The following TENM3 variants were observed in gnomAD, a reference collection of about 807,000 sequenced individuals.
TENM3 encodes the protein teneurin-3.
A neutral mutation model predicts 255.1 loss-of-function variants in TENM3; 63 were observed. The observed-to-expected ratio is 0.25, with a 90% CI of 0.20 to 0.30. TENM3 has a LOEUF of 0.30. TENM3 is among the 10% of genes least tolerant of loss of function. The pLI, the probability that TENM3 is intolerant of heterozygous loss-of-function variation, is 1.00. For synonymous variants in TENM3, 1,306 were observed against 1,322.3 expected, an observed-to-expected ratio of 0.99 and a Z score of 0.27; for missense variants, 2,929 against 3,461.1, an observed-to-expected ratio of 0.85 and a Z score of 3.86.
At chr4:182,182,979 T>A (rs1287610225) in intron 1 of TENM3, among the ~76,000 whole-genome samples, 5 of 152,196 alleles carry the variant, frequency 3.3e-5, no homozygotes, top group Non-Finnish European at 7.3e-5. Flanking sequence ...AATACTTGGT[T>A]AACTTTTATG....
the TENM3 span, among the ~76,000 whole-genome samples, chr4:181,462,341 C>T: frequency 6.6e-6 from 1 of 152,130 alleles, no homozygotes; most frequent in Non-Finnish European, 1.5e-5. Flanking sequence ...CCCTGCCCTG[C>T]ATGTCAGGCT....
intron 5 of TENM3, among the ~76,000 whole-genome samples, chr4:182,638,046 T>TC (rs1362426091): frequency 6.6e-6 from 1 of 151,848 alleles, no homozygotes; most frequent in Non-Finnish European, 1.5e-5. Flanking sequence ...TTTTTTTTTT[T>TC]TTAGTTTTCA....
chr4:182,589,446 A>ATTTTTT (rs367629189), intron 3 of TENM3, among the ~76,000 whole-genome samples: 2 of 129,412 alleles, frequency 1.5e-5, no homozygotes, highest in African/African-American at 2.9e-5. Context: ...TAGGTTTTTA[A>ATTTTTT]TTTTTTTTTT....
At chr4:182,249,702 A>C (rs1757871761) in intron 1 of TENM3, among the ~76,000 whole-genome samples, 1 of 152,196 alleles carries the variant, frequency 6.6e-6, no homozygotes, top group African/African-American at 2.4e-5. Flanking sequence ...GAGGGGTTGC[A>C]AATATTTTGA....
chr4:181,852,911 C>T, the TENM3 span, among the ~76,000 whole-genome samples: 1 of 152,140 alleles, frequency 6.6e-6, no homozygotes, highest in Admixed American at 6.5e-5. Context: ...GAATCTTACA[C>T]TTACAAATGG....
chr4:182,127,746 C>T, the TENM3 span, among the ~76,000 whole-genome samples: 1 of 152,120 alleles, frequency 6.6e-6, no homozygotes. Flanking sequence ...ATGGAGTTAT[C>T]AAGCAAGCAA....
intron 9 of TENM3, 33 bp downstream of exon 9, chr4:182,680,382 A>G: frequency 6.4e-7 from 1 of 1,558,574 alleles, no homozygotes; most frequent in East Asian, 2.3e-5. Context: ...TTAAGCCGAT[A>G]TAAATAAGCT....
the TENM3 span, among the ~76,000 whole-genome samples, chr4:181,505,190 C>T: frequency 6.6e-6 from 1 of 152,202 alleles, no homozygotes; most frequent in Admixed American, 6.5e-5. Flanking sequence ...CAGCACTTCT[C>T]ATCTGTGGGC....
the TENM3 span, among the ~76,000 whole-genome samples, chr4:181,593,752 G>A: frequency 6.6e-6 from 1 of 152,196 alleles, no homozygotes; most frequent in Non-Finnish European, 1.5e-5. Context: ...CTTGCCAGCA[G>A]GCCATCAGAT....
intron 7 of TENM3, among the ~76,000 whole-genome samples, chr4:182,676,335 T>C (rs2309761): frequency 1 from 151,599 of 152,320 alleles, 75,444 homozygotes; most frequent in Middle Eastern, 1. Flanking sequence ...TTTTAGTGCA[T>C]TCACATGAAG....
At chr4:181,779,550 G>T in the TENM3 span, among the ~76,000 whole-genome samples, 2 of 151,756 alleles carry the variant, frequency 1.3e-5, no homozygotes, top group South Asian at 2.1e-4. Flanking sequence ...TATAATTTTT[G>T]ATTTTATTAT....
the TENM3 span, among the ~76,000 whole-genome samples, chr4:181,563,322 A>T: frequency 6.6e-6 from 1 of 152,130 alleles, no homozygotes; most frequent in Non-Finnish European, 1.5e-5. Flanking sequence ...CTCTGGCTTC[A>T]TCTGTACTAG....
intron 4 of TENM3, among the ~76,000 whole-genome samples, chr4:182,605,225 C>T (rs561441273): frequency 1.2e-4 from 18 of 152,076 alleles, no homozygotes; most frequent in Non-Finnish European, 2.5e-4. Context: ...TGGAATCCTC[C>T]GTAATTAAAG....
At chr4:182,044,649 T>C in the TENM3 span, among the ~76,000 whole-genome samples, 1 of 152,192 alleles carries the variant, frequency 6.6e-6, no homozygotes, top group Non-Finnish European at 1.5e-5. Flanking sequence ...AAAAGGAATA[T>C]CATAAATAAT....
At chr4:182,097,074 C>T in the TENM3 span, among the ~76,000 whole-genome samples, 1 of 151,958 alleles carries the variant, frequency 6.6e-6, no homozygotes. Flanking sequence ...AGGGGGTTTG[C>T]GATTGGGACA....
the TENM3 span, among the ~76,000 whole-genome samples, chr4:181,521,054 A>C: frequency 6.6e-6 from 1 of 152,212 alleles, no homozygotes; most frequent in Non-Finnish European, 1.5e-5. Flanking sequence ...TCAGCAATAC[A>C]GCTCTCCTCA....
chr4:181,957,835 C>T, the TENM3 span, among the ~76,000 whole-genome samples: 1 of 152,258 alleles, frequency 6.6e-6, no homozygotes, highest in African/African-American at 2.4e-5. Flanking sequence ...TGTGGCTCAG[C>T]GCACTAAATG....
chr4:181,501,023 C>G, the TENM3 span, among the ~76,000 whole-genome samples: 2 of 152,194 alleles, frequency 1.3e-5, no homozygotes, highest in Non-Finnish European at 2.9e-5. Context: ...CGCTAATGAC[C>G]GGACAGTCCA....
intron 4 of TENM3, among the ~76,000 whole-genome samples, chr4:182,606,573 T>C (rs533990933): frequency 6.7e-6 from 1 of 150,018 alleles, no homozygotes; most frequent in East Asian, 2.0e-4. Flanking sequence ...AATATGGTCC[T>C]GAATTTACTC....
Sources: gnomAD v4.1 joint callset for allele counts (sites outside exome capture counted in the v4.1 genomes callset) on GRCh38, gnomAD v4.1.1 for gene constraint, MANE v1.5 for transcripts, NCBI Gene and HGNC (gene_info 2026-07-23, HGNC 2026-07-21) for gene names.